The following SPRED2 variants were observed in gnomAD, a reference collection of about 807,000 sequenced individuals.
SPRED2 encodes the protein sprouty-related, EVH1 domain-containing protein 2.
SPRED2 carries 47 observed loss-of-function variants against 43.0 expected under a neutral mutation model. The ratio of observed to expected loss-of-function variants is 1.09; its 90% CI spans 0.87 to 1.40. The LOEUF (loss-of-function observed/expected upper bound fraction) is 1.40, where lower values mean the gene tolerates loss of function less well. SPRED2 is among the 40% of genes most tolerant of loss of function. SPRED2 has a pLI of 0.00. For missense variants in SPRED2, 561 were observed against 586.4 expected (o/e 0.96, Z 0.45); for synonymous variants, 225 against 225.7 (o/e 1.00, Z 0.03).
chr2:65,368,379 A>C (rs1261675152), intron 1 of SPRED2, among the ~76,000 whole-genome samples: 1 of 152,238 alleles, frequency 6.6e-6, no homozygotes, highest in Non-Finnish European at 1.5e-5. Context: ...TGCAGGCTGC[A>C]GCCTTATCAA....
intron 1 of SPRED2, among the ~76,000 whole-genome samples, chr2:65,431,153 G>A: frequency 6.6e-6 from 1 of 151,418 alleles, no homozygotes; most frequent in South Asian, 2.1e-4. Context: ...CCCGAGCATT[G>A]TTCCCCTCGG....
chr2:65,318,100 G>A (rs1189179008), intron 4 of SPRED2, among the ~76,000 whole-genome samples: 1 of 152,042 alleles, frequency 6.6e-6, no homozygotes, highest in Non-Finnish European at 1.5e-5. Flanking sequence ...GCTGTCCTCG[G>A]GATAGTGAAT....
intron 1 of SPRED2, among the ~76,000 whole-genome samples, chr2:65,366,308 C>A (rs1043042808): frequency 6.6e-6 from 1 of 151,996 alleles, no homozygotes; most frequent in African/African-American, 2.4e-5. Flanking sequence ...TAATAAAAAA[C>A]AACAACAACA....
chr2:65,340,892 C>T (rs1247477096), intron 2 of SPRED2, among the ~76,000 whole-genome samples: 1 of 152,156 alleles, frequency 6.6e-6, no homozygotes, highest in Non-Finnish European at 1.5e-5. Context: ...CTTTTCTTTG[C>T]CATTCCACCT....
At chr2:65,380,446 A>C (rs268135) in intron 1 of SPRED2, among the ~76,000 whole-genome samples, 130,950 of 152,072 alleles carry the variant, frequency 0.86, 56,811 homozygotes, top group East Asian at 0.92. Context: ...AACCTTTCTT[A>C]TGGAACTGCC....
At chr2:65,339,292 G>A (rs1180107507) in intron 2 of SPRED2, among the ~76,000 whole-genome samples, 61 of 152,008 alleles carry the variant, frequency 4.0e-4, no homozygotes, top group African/African-American at 1.3e-3. Flanking sequence ...AGGGGGGGCA[G>A]GGTGGGGAAA....
intron 1 of SPRED2, among the ~76,000 whole-genome samples, chr2:65,345,874 CT>C (rs1674336769): frequency 6.6e-6 from 1 of 152,166 alleles, no homozygotes; most frequent in African/African-American, 2.4e-5. Context: ...ATTCTAGCTT[CT>C]TTTCATTCTT....
chr2:65,361,318 A>G (rs1490268105), intron 1 of SPRED2, among the ~76,000 whole-genome samples: 4 of 152,252 alleles, frequency 2.6e-5, no homozygotes, highest in Non-Finnish European at 4.4e-5. Flanking sequence ...TGAATCATAT[A>G]TAAGAAAAAC....
At chr2:65,431,491 A>G (rs868426314) in intron 1 of SPRED2, among the ~76,000 whole-genome samples, 1 of 152,116 alleles carries the variant, frequency 6.6e-6, no homozygotes, top group Non-Finnish European at 1.5e-5. Flanking sequence ...AATGAGAGCG[A>G]TTCAAGAAAA....
chr2:65,336,796 G>C (rs1459779859), intron 2 of SPRED2, among the ~76,000 whole-genome samples: 3 of 152,140 alleles, frequency 2.0e-5, no homozygotes, highest in Admixed American at 2.0e-4. Flanking sequence ...TATTCCAAAG[G>C]TACATTTTCT....
chr2:65,416,127 C>A (rs1007013262), intron 1 of SPRED2, among the ~76,000 whole-genome samples: 1 of 152,180 alleles, frequency 6.6e-6, no homozygotes, highest in African/African-American at 2.4e-5. Context: ...ATGTTAGAAT[C>A]TCTTGGATTA....
intron 1 of SPRED2, among the ~76,000 whole-genome samples, chr2:65,405,270 G>T (rs926644358): frequency 2.0e-5 from 3 of 152,212 alleles, no homozygotes; most frequent in African/African-American, 7.2e-5. Context: ...GCATGGAGAT[G>T]ACATAGTCAT....
In SPRED2 at chr2:65,431,973, T is replaced by A. The variant is rs755885806; in HGVS notation, c.15A>T (p.Thr5=). The A allele has an allele frequency of 5.0e-6, 8 of 1,613,640 alleles. No homozygotes were observed. In the East Asian group the frequency reaches 1.8e-4, roughly 36 times the overall value. The change falls in exon 1 of 6, where the codon ACA becomes ACT. Residue 5 remains threonine (T), a synonymous_variant. Transcript: ENST00000356388. ...GCGACCAAACTTACTCGTCTGGGTGTGTTTCTTCGGTCATTTTCTTGTTCA... is the reference window on the plus strand; with the variant it reads ...GCGACCAAACTTACTCGTCTGGGTGAGTTTCTTCGGTCATTTTCTTGTTCA... MTEE[T]HPDDDSYIVR... is the part of the protein sequence containing the mutation.
chr2:65,379,291 A>G (rs1005252083), intron 1 of SPRED2, among the ~76,000 whole-genome samples: 2 of 152,154 alleles, frequency 1.3e-5, no homozygotes, highest in Non-Finnish European at 2.9e-5. Flanking sequence ...TGTTAGCTAC[A>G]GAAAAACTCC....
chr2:65,353,444 G>A (rs1322319095), intron 1 of SPRED2, among the ~76,000 whole-genome samples: 2 of 152,150 alleles, frequency 1.3e-5, no homozygotes, highest in African/African-American at 4.8e-5. Context: ...GAAGACACTG[G>A]TCAGCATATA....
chr2:65,422,956 A>G (rs1676467890), intron 1 of SPRED2, among the ~76,000 whole-genome samples: 1 of 152,204 alleles, frequency 6.6e-6, no homozygotes, highest in South Asian at 2.1e-4. Context: ...TTAACCTTTA[A>G]GCAAAAGGGA....
Position 65,313,153 on chromosome 2 carries a change from C to T in SPRED2, c.*348G>A, listed in dbSNP as rs1673116292. 4.9e-6 allele frequency: 5 copies of T among 1,026,902 alleles called. No homozygotes were observed. In the East Asian group the frequency reaches 4.1e-4, roughly 84 times the overall value. The allele number at this position is 1,026,902 out of a possible 1,614,324, so 63.6% of individuals were successfully genotyped here. On this transcript the variant is annotated 3_prime_UTR_variant, in exon 6 of 6. Transcript: ENST00000356388. ...AGTTCCAATTGCAGACTCCTTTGAACTGGAAGAGGCGGGGGAGGAGGAAAC... is the reference window on the plus strand; with the variant it reads ...AGTTCCAATTGCAGACTCCTTTGAATTGGAAGAGGCGGGGGAGGAGGAAAC...
intron 4 of SPRED2, among the ~76,000 whole-genome samples, chr2:65,322,268 CTCTATATA>C (rs1405272312): frequency 2.8e-3 from 106 of 38,342 alleles, no homozygotes; most frequent in East Asian, 9.5e-3. Context: ...CTCTCTCTCT[CTCTATATA>C]TATATATATA....
intron 1 of SPRED2, among the ~76,000 whole-genome samples, chr2:65,363,234 C>T (rs1308901320): frequency 4.1e-5 from 4 of 97,708 alleles, no homozygotes; most frequent in Non-Finnish European, 6.3e-5. Flanking sequence ...AGCAAAACTC[C>T]GTCTCAAAAA....
Sources: gnomAD v4.1 joint callset for allele counts (sites outside exome capture counted in the v4.1 genomes callset) on GRCh38, gnomAD v4.1.1 for gene constraint, MANE v1.5 for transcripts, NCBI Gene and HGNC (gene_info 2026-07-23, HGNC 2026-07-21) for gene names.